Variants in OPCML observed in about 807,000 individuals in gnomAD.
OPCML encodes opioid binding protein/cell adhesion molecule like.
OPCML carries 13 observed loss-of-function variants against 37.8 expected under a neutral mutation model. The ratio of observed to expected loss-of-function variants is 0.34; its 90% CI spans 0.22 to 0.55. The LOEUF (loss-of-function observed/expected upper bound fraction) is 0.55. Ranked by LOEUF, OPCML falls within the 20% of genes least tolerant of loss-of-function variation. The pLI, the probability that OPCML is intolerant of heterozygous loss-of-function variation, is 0.91. For synonymous variants in OPCML, 176 were observed against 168.8 expected (o/e 1.04, Z -0.33); for missense variants, 341 against 435.6 (o/e 0.78, Z 1.93).
intron 1 of OPCML, among the ~76,000 whole-genome samples, chr11:133,493,266 G>A (rs563905377): frequency 1.1e-4 from 17 of 152,338 alleles, no homozygotes; most frequent in African/African-American, 2.6e-4. Context: ...CGCCGGGCAG[G>A]CCTCAGGGGC....
chr11:133,114,919 T>A (rs1292433721), intron 1 of OPCML, among the ~76,000 whole-genome samples: 1 of 152,212 alleles, frequency 6.6e-6, no homozygotes, highest in South Asian at 2.1e-4. Flanking sequence ...CCTGTCCCCA[T>A]TTATGTTTTC....
intron 2 of OPCML, among the ~76,000 whole-genome samples, chr11:132,686,346 G>A (rs1210725756): frequency 6.6e-6 from 1 of 152,248 alleles, no homozygotes; most frequent in East Asian, 1.9e-4. Context: ...AGTCATAATT[G>A]GCTAAATCCA....
chr11:133,069,330 A>T (rs1948488618), intron 1 of OPCML, among the ~76,000 whole-genome samples: 1 of 152,160 alleles, frequency 6.6e-6, no homozygotes, highest in South Asian at 2.1e-4. Flanking sequence ...TATTTAAGTG[A>T]CAGAATGCAA....
chr11:132,901,391 CA>C (rs1419964408), intron 2 of OPCML, among the ~76,000 whole-genome samples: 1 of 152,132 alleles, frequency 6.6e-6, no homozygotes, highest in African/African-American at 2.4e-5. Context: ...ATTGAGTCCT[CA>C]GTTTTCTAAA....
chr11:133,501,702 C>A (rs189327657), intron 1 of OPCML, among the ~76,000 whole-genome samples: 48 of 151,222 alleles, frequency 3.2e-4, no homozygotes, highest in African/African-American at 9.8e-4. Flanking sequence ...AGTGCAGGGG[C>A]TTCAAACGAC....
chr11:132,672,011 T>G (rs1042812620), intron 2 of OPCML, among the ~76,000 whole-genome samples: 1 of 152,198 alleles, frequency 6.6e-6, no homozygotes, highest in African/African-American at 2.4e-5. Context: ...ATTCCTGTTA[T>G]TCTGTAATGA....
chr11:133,079,128 C>G (rs150951163), intron 1 of OPCML, among the ~76,000 whole-genome samples: 84 of 152,276 alleles, frequency 5.5e-4, no homozygotes, highest in African/African-American at 1.8e-3. Flanking sequence ...CTCCGGGCCC[C>G]TGGCTCTCTC....
chr11:133,345,446 C>T (rs1943977267), intron 1 of OPCML, among the ~76,000 whole-genome samples: 1 of 152,192 alleles, frequency 6.6e-6, no homozygotes, highest in South Asian at 2.1e-4. Flanking sequence ...GCCACCCATC[C>T]TTTGTACTGA....
chr11:133,478,195 G>A (rs1035536069), intron 1 of OPCML, among the ~76,000 whole-genome samples: 1 of 152,096 alleles, frequency 6.6e-6, no homozygotes, highest in Non-Finnish European at 1.5e-5. Context: ...TCGAGACATC[G>A]GGAATGGCAG....
At chr11:133,170,390 G>A (rs532313449) in intron 1 of OPCML, among the ~76,000 whole-genome samples, 3 of 152,310 alleles carry the variant, frequency 2.0e-5, no homozygotes, top group South Asian at 4.1e-4. Context: ...GGAGGCTGAG[G>A]CAGGAGAATG....
chr11:133,243,634 C>T (rs548456846), intron 1 of OPCML, among the ~76,000 whole-genome samples: 16 of 152,300 alleles, frequency 1.1e-4, no homozygotes, highest in African/African-American at 2.4e-4. Context: ...GCCAAACACA[C>T]GGCTCCAGTC....
rs1945653613 is a variant in OPCML at position 132,943,418 on chromosome 11, C to T, written c.62-408G>A. On this transcript the variant is annotated intron_variant, in intron 1 of 7. Transcript: ENST00000524381. This position sits in a 1 kb window ranked among gnomAD's most constrained non-coding sequence, Gnocchi z 4.3. ...GCGGGGATGAAGGTCACAGATTGCG[C>T]TTTCTCTGCCTCTCTCTTCGAGACG... 2.6e-6 allele frequency: 1 copy of T among 392,094 alleles called. No individual in the cohort carries two copies. The highest frequency in any genetic ancestry group is 3.6e-5 in the Admixed American group (1 of 27,478). The allele number at this position is 392,094 out of a possible 1,614,324, so 24.3% of individuals were successfully genotyped here. A position where few individuals can be genotyped will look rare whatever the true frequency, so the allele number is the denominator to read the frequency against.
chr11:132,770,596 G>T (rs1946603950), intron 2 of OPCML, among the ~76,000 whole-genome samples: 1 of 152,098 alleles, frequency 6.6e-6, no homozygotes, highest in Admixed American at 6.6e-5. Context: ...CTAAGTCACA[G>T]GTGTTTAAGT....
intron 1 of OPCML, among the ~76,000 whole-genome samples, chr11:133,242,088 T>G (rs1372384370): frequency 6.6e-6 from 1 of 152,206 alleles, no homozygotes; most frequent in Non-Finnish European, 1.5e-5. Flanking sequence ...GTAAGAAGTT[T>G]GAATCCTCCC....
intron 4 of OPCML, among the ~76,000 whole-genome samples, chr11:132,459,154 C>T (rs1387447744): frequency 6.6e-6 from 1 of 152,100 alleles, no homozygotes; most frequent in East Asian, 1.9e-4. Flanking sequence ...CCTGCTCAGG[C>T]TGGAACAGGA....
At chr11:132,431,799 CAA>C (rs1290920139) in intron 7 of OPCML, among the ~76,000 whole-genome samples, 5 of 152,134 alleles carry the variant, frequency 3.3e-5, no homozygotes, top group African/African-American at 1.2e-4. Context: ...GGGGCAGAGT[CAA>C]AGAGGGCTCT....
intron 1 of OPCML, among the ~76,000 whole-genome samples, chr11:133,264,578 G>T (rs749372006): frequency 6.6e-6 from 1 of 152,054 alleles, no homozygotes; most frequent in Non-Finnish European, 1.5e-5. Context: ...ACTTACCCTC[G>T]AGGGAACCAG....
intron 2 of OPCML, among the ~76,000 whole-genome samples, chr11:132,659,048 C>T (rs1156444246): frequency 3.9e-5 from 6 of 152,188 alleles, no homozygotes; most frequent in Non-Finnish European, 4.4e-5. Flanking sequence ...ACTGCATTCA[C>T]CAGTAGGACC....
intron 1 of OPCML, among the ~76,000 whole-genome samples, chr11:133,199,447 C>T (rs528439766): frequency 9.9e-4 from 151 of 152,154 alleles, no homozygotes; most frequent in Non-Finnish European, 1.9e-3. Flanking sequence ...ACACATATGA[C>T]GCTACAGTCG....
Sources: allele counts gnomAD v4.1 joint callset (sites outside exome capture counted in the v4.1 genomes callset), GRCh38; gene constraint gnomAD v4.1.1; non-coding constraint Gnocchi (gnomAD v3.1); transcripts MANE v1.5; gene names NCBI Gene and HGNC (gene_info 2026-07-23, HGNC 2026-07-21).